KIAA1958: variants seen among roughly 807,000 people sequenced by gnomAD.
KIAA1958 encodes the protein KIAA1958, also known as uncharacterized protein KIAA1958.
In KIAA1958, 14 loss-of-function variants were observed where a neutral mutation model predicts 47.2. The ratio of observed to expected loss-of-function variants is 0.30; its 90% CI spans 0.20 to 0.46. The LOEUF (loss-of-function observed/expected upper bound fraction) is 0.46, where lower values mean the gene tolerates loss of function less well. KIAA1958 is among the 20% of genes least tolerant of loss of function. The pLI is 1.00. For synonymous variants in KIAA1958, 354 were observed against 353.3 expected (o/e 1.00, Z -0.02); for missense variants, 803 against 909.2 (o/e 0.88, Z 1.50).
intron 1 of KIAA1958, among the ~76,000 whole-genome samples, chr9:112,552,493 G>A (rs1431898252): frequency 2.6e-5 from 4 of 152,180 alleles, no homozygotes; most frequent in Admixed American, 2.0e-4. Flanking sequence ...GCCAGGGAGG[G>A]TCATTATAAG....
chr9:112,534,287 A>G lies in KIAA1958; in HGVS notation c.-24-39770A>G, dbSNP rs574433563. Among the ~76,000 whole-genome samples, 6 of 152,362 alleles carry G rather than the reference A, an allele frequency of 3.9e-5. No homozygotes were observed. In the East Asian group the frequency reaches 1.2e-3, roughly 29 times the overall value. On this transcript the variant is annotated intron_variant, in intron 1 of 3. Coordinates refer to ENST00000337530, the MANE Select transcript of KIAA1958 (RefSeq NM_133465.4). ...GCCTAGCGTCTAGCAGAGGCATGTC[A>G]GAATGAAAGGACCAACAGTGGATGA...
At chr9:112,514,595 C>CG (rs1834381940) in intron 1 of KIAA1958, among the ~76,000 whole-genome samples, 1 of 15,866 alleles carries the variant, frequency 6.3e-5, no homozygotes, top group Non-Finnish European at 1.1e-4. Flanking sequence ...TCAGCCCCCC[C>CG]ACCCGGCCAG....
At chr9:112,581,134 C>T (rs1353569551) in intron 2 of KIAA1958, among the ~76,000 whole-genome samples, 1 of 152,122 alleles carries the variant, frequency 6.6e-6, no homozygotes, top group African/African-American at 2.4e-5. Context: ...CTGCCTCCTG[C>T]TGGCCTTGTG....
chr9:112,541,637 C>G (rs1834945640), intron 1 of KIAA1958, among the ~76,000 whole-genome samples: 1 of 151,978 alleles, frequency 6.6e-6, no homozygotes, highest in Non-Finnish European at 1.5e-5. Context: ...AACCCTGTCT[C>G]TACTGAAAAT....
intron 2 of KIAA1958, among the ~76,000 whole-genome samples, chr9:112,598,111 GA>G: frequency 6.6e-6 from 1 of 152,288 alleles, no homozygotes; most frequent in East Asian, 1.9e-4. Context: ...GATAATGGAA[GA>G]TTTTTTTTTA....
At chr9:112,504,867 A>T (rs1564151607) in intron 1 of KIAA1958, among the ~76,000 whole-genome samples, 1 of 152,180 alleles carries the variant, frequency 6.6e-6, no homozygotes, top group Non-Finnish European at 1.5e-5. Flanking sequence ...AAATTTTGTT[A>T]ACATGTGTAT....
intron 1 of KIAA1958, among the ~76,000 whole-genome samples, chr9:112,539,297 C>G (rs1282189585): frequency 6.6e-6 from 1 of 152,214 alleles, no homozygotes; most frequent in East Asian, 1.9e-4. Flanking sequence ...ACCCAGATGT[C>G]TATCAGCTGA....
chr9:112,594,020 A>G (rs1588032571), intron 2 of KIAA1958, among the ~76,000 whole-genome samples: 1 of 152,012 alleles, frequency 6.6e-6, no homozygotes, highest in Non-Finnish European at 1.5e-5. Context: ...ATGCACTACC[A>G]CATCTGGCTA....
chr9:112,620,187 T>C (rs1453926995), intron 2 of KIAA1958, among the ~76,000 whole-genome samples: 2 of 152,200 alleles, frequency 1.3e-5, no homozygotes, highest in African/African-American at 4.8e-5. Flanking sequence ...TGGTGAATTA[T>C]TAGTTAAGAT....
intron 3 of KIAA1958, among the ~76,000 whole-genome samples, chr9:112,649,397 A>G (rs1837024551): frequency 6.6e-6 from 1 of 151,542 alleles, no homozygotes; most frequent in Non-Finnish European, 1.5e-5. Context: ...GGCTCAAGCT[A>G]TTCTCCTGCC....
At chr9:112,640,406 G>A (rs1331277865) in intron 2 of KIAA1958, among the ~76,000 whole-genome samples, 3 of 152,016 alleles carry the variant, frequency 2.0e-5, no homozygotes, top group Non-Finnish European at 1.5e-5. Flanking sequence ...TGGCTTTTCT[G>A]TATCGTTTCT....
At chr9:112,626,831 A>AT (rs1836622732) in intron 2 of KIAA1958, among the ~76,000 whole-genome samples, 1 of 151,906 alleles carries the variant, frequency 6.6e-6, no homozygotes, top group African/African-American at 2.4e-5. Context: ...TACAAAAAAA[A>AT]AAAAACACCT....
At position 112,592,101 on chromosome 9, in the gene KIAA1958, C is replaced by T. The variant is rs1214271440; in HGVS notation, c.1171+16850C>T. Among the ~76,000 whole-genome samples, 3 of 152,066 alleles carry T rather than the reference C, an allele frequency of 2.0e-5. No homozygotes were observed. The East Asian group carries it at 5.8e-4, about 29-fold the overall frequency. ...TGGTTTGGTAGGAGTCAGGGCAGAG[C>T]AGGTAGCAGGTAACTGGAATGAGTT... On this transcript the variant is annotated intron_variant, in intron 2 of 3. Coordinates refer to ENST00000337530, the MANE Select transcript of KIAA1958 (RefSeq NM_133465.4).
At chr9:112,517,316 G>A (rs1482148022) in intron 1 of KIAA1958, among the ~76,000 whole-genome samples, 3 of 152,192 alleles carry the variant, frequency 2.0e-5, no homozygotes, top group Admixed American at 1.3e-4. Flanking sequence ...AACAAATGGT[G>A]CTTGAAGAAT....
At chr9:112,510,563 G>A (rs1479923654) in intron 1 of KIAA1958, among the ~76,000 whole-genome samples, 5 of 152,000 alleles carry the variant, frequency 3.3e-5, no homozygotes, top group Non-Finnish European at 5.9e-5. Context: ...TTTCTTTTAC[G>A]GGTTTCTCAG....
At chr9:112,513,464 C>T (rs935301435) in intron 1 of KIAA1958, among the ~76,000 whole-genome samples, 10 of 118,556 alleles carry the variant, frequency 8.4e-5, no homozygotes, top group Non-Finnish European at 1.4e-4. Flanking sequence ...GGGTCGAAGG[C>T]GCCGCGGGCT....
rs1457206613 is a variant in KIAA1958 at position 112,618,649 on chromosome 9, T to C, written c.1172-27001T>C. 2 of 1,550,722 alleles carry C rather than the reference T, an allele frequency of 1.3e-6. No individual in the cohort carries two copies. Among genetic ancestry groups the C allele is most frequent in the East Asian group, 4.9e-5 (2 of 40,926 alleles). ...TCAAGCCAGTCGTGAACCTGGCGGC[T>C]CTGCATTGGTACAACTGCCAGGCCC... On this transcript the variant is annotated intron_variant, in intron 2 of 3. Transcript: ENST00000337530. This position sits in a 1 kb window ranked among gnomAD's most constrained non-coding sequence, Gnocchi z 7.1.
chr9:112,555,128 G>A (rs1835219087), intron 1 of KIAA1958, among the ~76,000 whole-genome samples: 1 of 152,206 alleles, frequency 6.6e-6, no homozygotes, highest in Non-Finnish European at 1.5e-5. Flanking sequence ...ATTAGTGGGT[G>A]AGTTCTTCCA....
At chr9:112,528,291 T>G (rs961511919) in intron 1 of KIAA1958, among the ~76,000 whole-genome samples, 18 of 152,170 alleles carry the variant, frequency 1.2e-4, no homozygotes, top group African/African-American at 4.3e-4. Flanking sequence ...GTGTCCCACG[T>G]GACAGAATGT....
Sources: gnomAD v4.1 joint callset for allele counts (sites outside exome capture counted in the v4.1 genomes callset) on GRCh38, gnomAD v4.1.1 for gene constraint, Gnocchi (gnomAD v3.1) non-coding constraint, MANE v1.5 for transcripts, NCBI Gene and HGNC (gene_info 2026-07-23, HGNC 2026-07-21) for gene names.